Variants in PC observed in about 807,000 individuals in gnomAD.
PC encodes the protein pyruvate carboxylase, mitochondrial.
A neutral mutation model predicts 107.8 loss-of-function variants in PC; 46 were observed. The observed-to-expected ratio is 0.43, with a 90% CI of 0.34 to 0.55. PC has a LOEUF of 0.55. PC is among the 20% of genes least tolerant of loss of function. The pLI, the probability that PC is intolerant of heterozygous loss-of-function variation, is 0.04. For missense variants in PC, 1,241 were observed against 1,643.1 expected (o/e 0.76, Z 4.23); for synonymous variants, 662 against 684.7 (o/e 0.97, Z 0.52).
intron 2 of PC, 66 bp downstream of exon 2, chr11:66,954,183 C>T (rs1009863421): frequency 2.0e-5 from 3 of 151,998 alleles, no homozygotes; most frequent in Admixed American, 6.6e-5. Flanking sequence ...GAGGGGGGAC[C>T]GTGAGAAGTG....
chr11:66,859,258 T>C (rs1457750149), intron 12 of PC, among the ~76,000 whole-genome samples: 1 of 152,102 alleles, frequency 6.6e-6, no homozygotes, highest in Non-Finnish European at 1.5e-5. Flanking sequence ...CTGGCCTGGC[T>C]GCCTGAGGGG....
chr11:66,859,018 C>A (rs765724677), intron 12 of PC: 1 of 1,512,340 alleles, frequency 6.6e-7, no homozygotes, highest in Admixed American at 2.2e-5. Flanking sequence ...AGCTGGGGTC[C>A]CGGGCGGCCA....
chr11:66,923,582 C>T (rs1445831066), intron 3 of PC, among the ~76,000 whole-genome samples: 4 of 151,794 alleles, frequency 2.6e-5, no homozygotes, highest in Admixed American at 6.6e-5. Flanking sequence ...GGCGCGATCT[C>T]GGCTCACTGC....
At position 66,870,234 on chromosome 11, in the gene PC, C is replaced by A. The variant is rs1946665868; in HGVS notation, c.903+68G>T. ...TCAGGGTCCCCTTCCCCAACCAGCG[C>A]CCCACTGTGAGGCCTGCCGGCCTGT... On this transcript the variant is annotated intron_variant, in intron 9 of 22. Transcript: ENST00000393960. The surrounding 1 kb of genome is among the most constrained non-coding windows in gnomAD (Gnocchi z 6.1). 6.3e-7 allele frequency: 1 copy of A among 1,591,628 alleles called. No individual in the cohort carries two copies. The highest frequency in any genetic ancestry group is 8.6e-7 in the Non-Finnish European group (1 of 1,167,152).
chr11:66,943,509 C>G (rs1949200295), intron 3 of PC, among the ~76,000 whole-genome samples: 2 of 151,700 alleles, frequency 1.3e-5, no homozygotes, highest in African/African-American at 4.8e-5. Flanking sequence ...GAGGCCGAGG[C>G]CCGGATCATG....
At chr11:66,873,467 ATAT>A (rs1946837022) in intron 3 of PC, among the ~76,000 whole-genome samples, 2 of 82,420 alleles carry the variant, frequency 2.4e-5, no homozygotes, top group Non-Finnish European at 4.4e-5. Context: ...TATATATTAT[ATAT>A]AATATAATAT....
At chr11:66,940,378 T>C (rs2136130375) in intron 3 of PC, among the ~76,000 whole-genome samples, 1 of 151,914 alleles carries the variant, frequency 6.6e-6, no homozygotes, top group Admixed American at 6.6e-5. Context: ...GGTGGTTTTT[T>C]GTGTGTGTGT....
At chr11:66,865,434 C>T (rs1286782699) in intron 11 of PC, among the ~76,000 whole-genome samples, 1 of 152,264 alleles carries the variant, frequency 6.6e-6, no homozygotes, top group Non-Finnish European at 1.5e-5. Flanking sequence ...GCAGCACGTG[C>T]AGGGCTGGGA....
chr11:66,956,801 C>G (rs1949570650), intron 1 of PC, among the ~76,000 whole-genome samples: 1 of 152,204 alleles, frequency 6.6e-6, no homozygotes, highest in African/African-American at 2.4e-5. Flanking sequence ...CTGGCCTCTA[C>G]TGAACTTCCT....
At chr11:66,888,975 G>C (rs2136004595) in intron 3 of PC, among the ~76,000 whole-genome samples, 1 of 152,302 alleles carries the variant, frequency 6.6e-6, no homozygotes, top group Non-Finnish European at 1.5e-5. Flanking sequence ...TCAGGACGCT[G>C]AGGCAGGAGA....
intron 3 of PC, among the ~76,000 whole-genome samples, chr11:66,928,240 A>G (rs1410226845): frequency 6.6e-6 from 1 of 152,068 alleles, no homozygotes; most frequent in African/African-American, 2.4e-5. Flanking sequence ...CAAAAAAATT[A>G]GCCAGGCGCG....
Position 66,871,421 on chromosome 11 carries a change from G to A in PC, c.381C>T (p.Phe127=), listed in dbSNP as rs367957543. Residue 127 remains phenylalanine, a synonymous_variant, in exon 6 of 23, where the codon TTC becomes TTT. Transcript: ENST00000393960. This position sits in a 1 kb window ranked among gnomAD's most constrained non-coding sequence, Gnocchi z 7.4. ...GYGFLSERAD[F]AQACQDAGVR... is the part of the protein sequence containing the mutation. ...CCCCTGCATCCTGGCAGGCCTGGGC[G>A]AAGTCCGCTCGCTCAGAGAGGAACC... The A allele has an allele frequency of 2.2e-5, 36 of 1,613,624 alleles. No homozygotes were observed. The highest frequency in any genetic ancestry group is 4.5e-5 in the East Asian group (2 of 44,888).
rs1481268017 is a variant in PC at position 66,849,166 on chromosome 11, G to A, written c.3289-19C>T. ...GCATCTCCTGAAGACACAGGGCAGA[G>A]GGGACATGACATCCTGGGCCCAGCC... On this transcript the variant is annotated intron_variant, in intron 22 of 22. Coordinates refer to ENST00000393960, the MANE Select transcript of PC (RefSeq NM_001040716.2). The A allele has an allele frequency of 3.1e-6, 5 of 1,613,784 alleles. No individual in the cohort carries two copies. In the South Asian group the frequency reaches 3.3e-5, roughly 11 times the overall value.
At chr11:66,862,543 A>G (rs1946314489) in intron 12 of PC, among the ~76,000 whole-genome samples, 1 of 152,198 alleles carries the variant, frequency 6.6e-6, no homozygotes, top group Non-Finnish European at 1.5e-5. Context: ...TGCCCAGCAC[A>G]GCCCGCCCTG....
At chr11:66,908,967 C>G (rs1037549439) in intron 3 of PC, among the ~76,000 whole-genome samples, 4 of 152,128 alleles carry the variant, frequency 2.6e-5, no homozygotes, top group African/African-American at 9.7e-5. Flanking sequence ...CCCTTCCAGC[C>G]CATGAAGGAA....
intron 13 of PC, 59 bp downstream of exon 13, chr11:66,853,180 G>T (rs1945608814): frequency 1.3e-6 from 2 of 1,588,676 alleles, no homozygotes. Context: ...GGAGGTAGGA[G>T]CAAGAGATTG....
chr11:66,862,535 C>T lies in PC; in HGVS notation c.1368+1239G>A, dbSNP rs142691187. 9.3e-3 allele frequency among the ~76,000 whole-genome samples: 1,418 copies of T among 152,302 alleles called. 9 individuals are homozygous for T. Among genetic ancestry groups the T allele is most frequent in the Non-Finnish European group, 0.016 (1,118 of 68,010 alleles). ...CAAGGCAGAGGGGCCGGTGCCAGTGCCCAGCACAGCCCGCCCTGTGGGGAC... is the reference window on the plus strand; with the variant it reads ...CAAGGCAGAGGGGCCGGTGCCAGTGTCCAGCACAGCCCGCCCTGTGGGGAC... On this transcript the variant is annotated intron_variant, in intron 12 of 22. Transcript: ENST00000393960.
intron 3 of PC, among the ~76,000 whole-genome samples, chr11:66,940,642 T>C (rs1949107897): frequency 6.6e-6 from 1 of 151,826 alleles, no homozygotes; most frequent in Non-Finnish European, 1.5e-5. Flanking sequence ...GAGCCAAGAC[T>C]GTGCCACTGT....
chr11:66,854,306 G>A lies in PC; in HGVS notation c.1369-923C>T, dbSNP rs114836658. On this transcript the variant is annotated intron_variant, in intron 12 of 22. Transcript: ENST00000393960. ...GAAGCTCTCCCTGAACTTCTCAAGG[G>A]CCTTCGCCCTGTCCTCACACCCTCG... 1.1e-3 allele frequency among the ~76,000 whole-genome samples: 167 copies of A among 152,330 alleles called. 1 individual carries two copies. The highest frequency in any genetic ancestry group is 4.0e-3 in the African/African-American group (165 of 41,560).
Sources: gnomAD v4.1 joint callset for allele counts (sites outside exome capture counted in the v4.1 genomes callset) on GRCh38, gnomAD v4.1.1 for gene constraint, Gnocchi (gnomAD v3.1) non-coding constraint, MANE v1.5 for transcripts, NCBI Gene and HGNC (gene_info 2026-07-23, HGNC 2026-07-21) for gene names.